The following DLGAP1 variants were observed in gnomAD, a reference collection of about 807,000 sequenced individuals.
DLGAP1 encodes disks large-associated protein 1.
In DLGAP1, 11 loss-of-function variants were observed where a neutral mutation model predicts 90.8. The observed-to-expected ratio is 0.12, with a 90% CI of 0.08 to 0.20. The LOEUF (loss-of-function observed/expected upper bound fraction) is 0.20, where lower values mean the gene tolerates loss of function less well. Among genes scored for constraint, DLGAP1 ranks in the 10% least tolerant of loss-of-function variants. The pLI, the probability that DLGAP1 is intolerant of heterozygous loss-of-function variation, is 1.00. For synonymous variants in DLGAP1, 558 were observed against 540.7 expected, an observed-to-expected ratio of 1.03 and a Z score of -0.44; for missense variants, 1,050 against 1,333.8, an observed-to-expected ratio of 0.79 and a Z score of 3.31.
chr18:4,116,736 G>T (rs1040840025), intron 2 of DLGAP1, among the ~76,000 whole-genome samples: 2 of 151,964 alleles, frequency 1.3e-5, no homozygotes, highest in Admixed American at 1.3e-4. Context: ...TTTTCTATTT[G>T]ATTAGATATT....
At chr18:3,827,441 C>T (rs977719013) in intron 4 of DLGAP1, among the ~76,000 whole-genome samples, 3 of 152,170 alleles carry the variant, frequency 2.0e-5, no homozygotes, top group African/African-American at 4.8e-5. Flanking sequence ...GACTTCTTCC[C>T]GTGATCTTAA....
intron 9 of DLGAP1, among the ~76,000 whole-genome samples, chr18:3,555,737 G>C (rs1280003088): frequency 2.6e-5 from 4 of 152,132 alleles, no homozygotes; most frequent in African/African-American, 9.7e-5. Context: ...TTGAACCCAG[G>C]AGGCGGAGGT....
chr18:3,608,689 A>G (rs1022954904), intron 7 of DLGAP1, among the ~76,000 whole-genome samples: 2 of 152,204 alleles, frequency 1.3e-5, no homozygotes, highest in Admixed American at 6.5e-5. Context: ...GTCTGAAAGT[A>G]GGTCATAAGA....
intron 1 of DLGAP1, among the ~76,000 whole-genome samples, chr18:4,331,139 C>T (rs896981820): frequency 1.3e-5 from 2 of 151,836 alleles, no homozygotes; most frequent in Admixed American, 6.6e-5. Context: ...CTTCATTTGA[C>T]ATTAACAAAG....
chr18:3,931,920 T>C (rs746734971), intron 3 of DLGAP1, among the ~76,000 whole-genome samples: 1 of 152,126 alleles, frequency 6.6e-6, no homozygotes, highest in Non-Finnish European at 1.5e-5. Flanking sequence ...CATCCAGAGA[T>C]TGCAAGGTTG....
chr18:3,599,868 C>G (rs530544647), intron 7 of DLGAP1, among the ~76,000 whole-genome samples: 1 of 151,686 alleles, frequency 6.6e-6, no homozygotes, highest in Non-Finnish European at 1.5e-5. Flanking sequence ...CCGCCCACCT[C>G]GGCCTCCCAA....
chr18:3,572,068 GGT>G (rs2054823905), intron 8 of DLGAP1, among the ~76,000 whole-genome samples: 1 of 127,982 alleles, frequency 7.8e-6, no homozygotes, highest in Non-Finnish European at 1.6e-5. Flanking sequence ...GTTTCTTCTA[GGT>G]TTTTTTTTTT....
At chr18:3,699,787 T>A (rs910748723) in intron 7 of DLGAP1, among the ~76,000 whole-genome samples, 14 of 152,296 alleles carry the variant, frequency 9.2e-5, no homozygotes, top group African/African-American at 3.4e-4. Context: ...GAGTTTTACT[T>A]ATAGGCCCCT....
At chr18:4,115,498 T>TTTCTTTC (rs2076048521) in intron 2 of DLGAP1, among the ~76,000 whole-genome samples, 1 of 75,460 alleles carries the variant, frequency 1.3e-5, no homozygotes, top group South Asian at 3.9e-4. Flanking sequence ...TTCTTTCTTT[T>TTTCTTTC]TTTTTGAGAC....
intron 2 of DLGAP1, among the ~76,000 whole-genome samples, chr18:4,062,051 C>A (rs2075306087): frequency 6.6e-6 from 1 of 152,048 alleles, no homozygotes. Context: ...ATTAAGTAGC[C>A]AAAGTAATCC....
chr18:3,543,165 A>AGTTTT (rs1568163953), intron 9 of DLGAP1, among the ~76,000 whole-genome samples: 2 of 130,222 alleles, frequency 1.5e-5, no homozygotes, highest in South Asian at 2.3e-4. Context: ...CCATGACTCC[A>AGTTTT]ATTTTTTTTT....
At chr18:3,719,303 G>A (rs1306552363) in intron 7 of DLGAP1, among the ~76,000 whole-genome samples, 1 of 151,476 alleles carries the variant, frequency 6.6e-6, no homozygotes, top group Non-Finnish European at 1.5e-5. Context: ...GCGGTGGCTC[G>A]CACCTGTAAT....
intron 1 of DLGAP1, among the ~76,000 whole-genome samples, chr18:4,266,849 G>A (rs2079142136): frequency 6.6e-6 from 1 of 152,142 alleles, no homozygotes; most frequent in Non-Finnish European, 1.5e-5. Flanking sequence ...TGGGCTATAT[G>A]TATAATTTTT....
intron 2 of DLGAP1, among the ~76,000 whole-genome samples, chr18:4,012,031 C>A (rs1178047997): frequency 6.6e-6 from 1 of 152,012 alleles, no homozygotes; most frequent in African/African-American, 2.4e-5. Context: ...CTACAATGTC[C>A]TTGGGCATCC....
chr18:4,386,624 G>T (rs185253016), intron 1 of DLGAP1, among the ~76,000 whole-genome samples: 1 of 152,176 alleles, frequency 6.6e-6, no homozygotes, highest in Non-Finnish European at 1.5e-5. Flanking sequence ...AGGTGATAAT[G>T]GGAAAATATG....
At chr18:3,938,103 C>T (rs1262114332) in intron 3 of DLGAP1, among the ~76,000 whole-genome samples, 6 of 152,160 alleles carry the variant, frequency 3.9e-5, no homozygotes, top group African/African-American at 1.4e-4. Flanking sequence ...AAAACTAAGG[C>T]AACTGAAGTT....
At chr18:3,639,484 C>T (rs2058845966) in intron 7 of DLGAP1, among the ~76,000 whole-genome samples, 1 of 152,148 alleles carries the variant, frequency 6.6e-6, no homozygotes, top group African/African-American at 2.4e-5. Flanking sequence ...AGGAAGAGCA[C>T]GAACTGATGC....
At chr18:4,431,605 G>C (rs2083286024) in intron 1 of DLGAP1, among the ~76,000 whole-genome samples, 1 of 152,178 alleles carries the variant, frequency 6.6e-6, no homozygotes. Context: ...TGGCTTAAAA[G>C]ACACCATATG....
At chr18:4,021,693 A>C (rs2074612834) in intron 2 of DLGAP1, among the ~76,000 whole-genome samples, 1 of 151,828 alleles carries the variant, frequency 6.6e-6, no homozygotes, top group African/African-American at 2.4e-5. Context: ...CGCCTCCTGG[A>C]TTCAAGCAAT....
Sources: gnomAD v4.1 joint callset for allele counts (sites outside exome capture counted in the v4.1 genomes callset) on GRCh38, gnomAD v4.1.1 for gene constraint, MANE v1.5 for transcripts, NCBI Gene and HGNC (gene_info 2026-07-23, HGNC 2026-07-21) for gene names.